The following GRID2 variants were observed in gnomAD, a reference collection of about 807,000 sequenced individuals.
GRID2 encodes the protein glutamate ionotropic receptor delta type subunit 2, also known as glutamate receptor ionotropic, delta-2.
Under a neutral mutation model 114.8 loss-of-function variants are expected in GRID2, and 33 were observed. The ratio of observed to expected loss-of-function variants is 0.29; its 90% CI spans 0.22 to 0.38. The LOEUF is 0.38. Ranked by LOEUF, GRID2 falls within the 10% of genes least tolerant of loss-of-function variation. The probability of loss-of-function intolerance (pLI) is 1.00; values close to 1 mark genes in which losing one functional copy is unlikely to be tolerated. For synonymous variants in GRID2, 505 were observed against 449.9 expected, an observed-to-expected ratio of 1.12 and a Z score of -1.55; for missense variants, 1,184 against 1,257.7, an observed-to-expected ratio of 0.94 and a Z score of 0.89.
intron 2 of GRID2, among the ~76,000 whole-genome samples, chr4:92,989,368 A>G (rs1381640605): frequency 2.0e-5 from 3 of 151,392 alleles, no homozygotes; most frequent in Non-Finnish European, 4.4e-5. Context: ...ATATATGTAT[A>G]TGTACACATA....
At chr4:93,476,022 G>A (rs1259118086) in intron 11 of GRID2, among the ~76,000 whole-genome samples, 2 of 152,020 alleles carry the variant, frequency 1.3e-5, no homozygotes, top group African/African-American at 4.8e-5. Context: ...TGCCAGGTCT[G>A]TGGTAAAATC....
At chr4:92,569,938 T>C (rs7673465) in intron 1 of GRID2, among the ~76,000 whole-genome samples, 20,963 of 152,106 alleles carry the variant, frequency 0.14, 2,334 homozygotes, top group African/African-American at 0.31. Flanking sequence ...TACTTTCTTT[T>C]GCTGTGCAGA....
chr4:92,838,578 A>G (rs1742642717), intron 2 of GRID2, among the ~76,000 whole-genome samples: 1 of 152,142 alleles, frequency 6.6e-6, no homozygotes, highest in South Asian at 2.1e-4. Flanking sequence ...TGTGTCTGCT[A>G]TAATTTGAAA....
chr4:93,734,019 G>T (rs748580029), intron 14 of GRID2, among the ~76,000 whole-genome samples: 2 of 151,868 alleles, frequency 1.3e-5, no homozygotes, highest in Non-Finnish European at 1.5e-5. Flanking sequence ...TGGTGGATAG[G>T]CTTTATAGTT....
chr4:93,330,783 A>G (rs1156661919), intron 8 of GRID2, among the ~76,000 whole-genome samples: 1 of 152,058 alleles, frequency 6.6e-6, no homozygotes, highest in South Asian at 2.1e-4. Context: ...AGAATCTTTC[A>G]CACCTTCTCT....
chr4:92,410,630 C>T (rs1229025197), intron 1 of GRID2, among the ~76,000 whole-genome samples: 2 of 152,100 alleles, frequency 1.3e-5, no homozygotes, highest in Non-Finnish European at 2.9e-5. Context: ...AATTTAAATC[C>T]TACTTCAAGC....
intron 2 of GRID2, among the ~76,000 whole-genome samples, chr4:92,930,754 A>G (rs966741845): frequency 4.6e-5 from 7 of 151,040 alleles, no homozygotes; most frequent in Non-Finnish European, 1.0e-4. Context: ...GAAAATGGAC[A>G]CACACATACA....
At chr4:92,666,650 G>GTTTTCTTTTTT (rs1732793120) in intron 2 of GRID2, among the ~76,000 whole-genome samples, 1 of 68,594 alleles carries the variant, frequency 1.5e-5, no homozygotes, top group Non-Finnish European at 2.8e-5. Context: ...CTTAAGGGTT[G>GTTTTCTTTTTT]TTTTTTTTTT....
chr4:93,246,610 A>G (rs1748242485), intron 8 of GRID2, among the ~76,000 whole-genome samples: 1 of 151,814 alleles, frequency 6.6e-6, no homozygotes, highest in Non-Finnish European at 1.5e-5. Context: ...GAAAAAAAGA[A>G]AAGAAAATAT....
intron 9 of GRID2, among the ~76,000 whole-genome samples, chr4:93,396,518 C>A (rs1468188134): frequency 6.6e-6 from 1 of 151,884 alleles, no homozygotes; most frequent in Non-Finnish European, 1.5e-5. Context: ...TTTCATCATG[C>A]TACTTAGAAC....
Position 93,548,082 on chromosome 4 carries a change from C to G in GRID2, c.2193+32671C>G, listed in dbSNP as rs1733397666. On this transcript the variant is annotated intron_variant, in intron 13 of 15. Coordinates refer to ENST00000282020, the MANE Select transcript of GRID2 (RefSeq NM_001510.4). ...ATCCCAGCTACTTGGGAGGGTGAGG[C>G]AGGAGAATCACTTCAACCCGGGAGA... 3.3e-5 allele frequency among the ~76,000 whole-genome samples: 5 copies of G among 151,878 alleles called. No homozygotes were observed. The South Asian group carries it at 8.3e-4, about 25-fold the overall frequency.
intron 3 of GRID2, among the ~76,000 whole-genome samples, chr4:93,105,681 A>T (rs1732155179): frequency 6.6e-6 from 1 of 152,024 alleles, no homozygotes; most frequent in East Asian, 1.9e-4. Context: ...TTCACTCAAG[A>T]TCTCTTTCCC....
intron 8 of GRID2, among the ~76,000 whole-genome samples, chr4:93,341,361 G>C (rs2149246630): frequency 6.7e-6 from 1 of 149,462 alleles, no homozygotes; most frequent in South Asian, 2.1e-4. Flanking sequence ...GTCTCACTCT[G>C]TCACCCAGGC....
chr4:93,226,751 C>G (rs1416489324), intron 7 of GRID2, among the ~76,000 whole-genome samples: 4 of 152,190 alleles, frequency 2.6e-5, no homozygotes, highest in African/African-American at 9.7e-5. Flanking sequence ...AGTACGGGCT[C>G]TCTGTGGTGG....
chr4:93,517,135 T>C (rs1258479335), intron 13 of GRID2, among the ~76,000 whole-genome samples: 1 of 151,990 alleles, frequency 6.6e-6, no homozygotes. Context: ...CAAGATTAAA[T>C]AAGATAATAT....
chr4:92,439,784 T>C lies in GRID2; in HGVS notation c.88+135040T>C, dbSNP rs2486594. On this transcript the variant is annotated intron_variant, in intron 1 of 15. Transcript: ENST00000282020. ...GAGTGCCTAAGGAGATTCAGCATAG[T>C]CCTGCCAGCAAAGATTATTTATTTA... 4.1e-5 allele frequency among the ~76,000 whole-genome samples: 6 copies of C among 146,098 alleles called. 1 individual carries two copies. The highest frequency in any genetic ancestry group is 9.8e-5 in the African/African-American group (4 of 40,992).
downstream of GRID2, among the ~76,000 whole-genome samples, chr4:93,775,995 C>T (rs77667081): frequency 6.2e-3 from 950 of 152,262 alleles, 12 homozygotes; most frequent in African/African-American, 0.022. Context: ...CTAAGACACA[C>T]AATTGAATAA....
At chr4:93,804,520 A>T (rs1028785282) in intron 1 of GRID2, among the ~76,000 whole-genome samples, 2 of 152,166 alleles carry the variant, frequency 1.3e-5, no homozygotes, top group African/African-American at 4.8e-5. Context: ...GGTACAGTAA[A>T]AATATGGTGT....
chr4:93,782,749 T>C (rs1734504927), intron 1 of GRID2, among the ~76,000 whole-genome samples: 1 of 152,272 alleles, frequency 6.6e-6, no homozygotes, highest in African/African-American at 2.4e-5. Flanking sequence ...GTATATCAAA[T>C]ATAAAACAAG....
Sources: gnomAD v4.1 joint callset for allele counts (sites outside exome capture counted in the v4.1 genomes callset) on GRCh38, gnomAD v4.1.1 for gene constraint, MANE v1.5 for transcripts, NCBI Gene and HGNC (gene_info 2026-07-23, HGNC 2026-07-21) for gene names.